CHIT1: variants seen among roughly 807,000 people sequenced by gnomAD.
CHIT1 encodes the protein chitotriosidase-1.
Under a neutral mutation model 52.0 loss-of-function variants are expected in CHIT1, and 47 were observed. That is an observed-to-expected ratio of 0.90 (90% CI 0.71 to 1.15). CHIT1 has a LOEUF of 1.15. CHIT1 is among the 50% of genes most tolerant of loss of function. The pLI is 0.00. For synonymous variants in CHIT1, 242 were observed against 228.2 expected (o/e 1.06, Z -0.54); for missense variants, 569 against 583.0 (o/e 0.98, Z 0.25).
In CHIT1 at chr1:203,217,787, A is replaced by G; in HGVS notation, c.1108T>C (p.Cys370Arg). 6.2e-7 allele frequency: 1 copy of G among 1,614,034 alleles called. No homozygotes were observed. The highest frequency in any genetic ancestry group is 1.1e-5 in the South Asian group (1 of 91,078). Residue 370 changes from cysteine to arginine, a missense_variant, in exon 10 of 11, where the codon TGC becomes CGC. By Grantham distance (180) the Cys-to-Arg change is radical. Transcript: ENST00000367229. ...LDLDDFAGFSCNQGRYPLIQT... is the reference protein window; with the variant it reads ...LDLDDFAGFSRNQGRYPLIQT... ...ATGAGGGGGTATCGGCCCTGGTTGC[A>G]GGAGAAGCCGGCAAAGTCATCTAAG...
At chr1:203,228,502 G>A (rs770311301) in intron 2 of CHIT1, 31 bp downstream of exon 2, 1 of 1,576,634 alleles carries the variant, frequency 6.3e-7, no homozygotes, top group South Asian at 1.2e-5. Context: ...CCAGGGAAGG[G>A]GCTGAGGCAG....
Position 203,225,751 on chromosome 1 carries a change from C to T in CHIT1, c.175G>A (p.Ala59Thr), listed in dbSNP as rs113204979. The change falls in exon 3 of 11, where the codon GCT (alanine) becomes ACT (threonine). Residue 59 changes from alanine (A) to threonine (T), a missense_variant. Physicochemically the swap from Ala to Thr is moderately conservative, Grantham distance 58. Coordinates refer to ENST00000367229, the MANE Select transcript of CHIT1 (RefSeq NM_003465.3). ...CTCAGCTGGTGGTTGGTCATGCCAG[C>T]GAAGGCGTAGATGAGGTGGGTGCAA... ...SLCTHLIYAF[A>T]GMTNHQLSTT... is the part of the protein sequence containing the mutation. The T allele has an allele frequency of 4.2e-5, 68 of 1,614,138 alleles. No homozygotes were observed. Among genetic ancestry groups the T allele is most frequent in the African/African-American group, 2.4e-4 (18 of 75,036 alleles).
intron 1 of CHIT1, 95 bp from the exon 2 acceptor site, chr1:203,228,657 G>T (rs992147981): frequency 3.7e-5 from 51 of 1,379,516 alleles, no homozygotes; most frequent in Non-Finnish European, 4.9e-5. Context: ...GGTCAGGGAG[G>T]GCTGATTTCA....
In CHIT1 at chr1:203,223,186, G is replaced by A. The variant is rs773755505; in HGVS notation, c.554C>T (p.Pro185Leu). The change falls in exon 6 of 11, where the codon CCA (proline) becomes CTA (leucine). Residue 185 changes from proline (P) to leucine (L), a missense_variant. Transcript: ENST00000367229. ...AGCATCCACATAGGTCTGCCCAGCT[G>A]GAACCGCTGCACTCAGAAGAAGGCG... ...KERLLLSAAV[P>L]AGQTYVDAGY... The A allele has an allele frequency of 4.3e-6, 7 of 1,614,196 alleles. No individual in the cohort carries two copies. Among genetic ancestry groups the A allele is most frequent in the South Asian group, 1.1e-5 (1 of 91,086 alleles).
chr1:203,225,110 A>G lies in CHIT1; in HGVS notation c.258-6T>C, dbSNP rs184235051. On this transcript the variant is annotated splice_region_variant and splice_polypyrimidine_tract_variant and intron_variant, in intron 3 of 10. Coordinates refer to ENST00000367229, the MANE Select transcript of CHIT1 (RefSeq NM_003465.3). ...GGGTCTTCAGCTTGGGATTCCTGGG[A>G]AAGACAGGAGACACAGCAGGATTTA... The G allele has an allele frequency of 3.8e-4, 618 of 1,613,716 alleles. 2 individuals are homozygous for G. In the African/African-American group the frequency reaches 7.3e-3, roughly 19 times the overall value.
Position 203,223,535 on chromosome 1 carries a change from C to A in CHIT1, c.440G>T (p.Ser147Ile), listed in dbSNP as rs751808745. The change falls in exon 5 of 11, where the codon AGC (serine) becomes ATC (isoleucine). Residue 147 changes from serine (S) to isoleucine (I), a missense_variant. Physicochemically the swap from Ser to Ile is moderately radical, Grantham distance 142. Coordinates refer to ENST00000367229, the MANE Select transcript of CHIT1 (RefSeq NM_003465.3). ...GAAGCGCTCCTTGTCTACGGCAGGG[C>A]TCCCCTGGCTTCCTGGGTACTCCCA... ...LDWEYPGSQG[S>I]PAVDKERFTT... 11 of 1,614,198 alleles carry A rather than the reference C, an allele frequency of 6.8e-6. No individual in the cohort carries two copies. Among genetic ancestry groups the A allele is most frequent in the Non-Finnish European group, 9.3e-6 (11 of 1,180,040 alleles).
Position 203,216,198 on chromosome 1 carries a change from G to A in CHIT1, c.*691C>T. 1 of 454,096 alleles carries A rather than the reference G, an allele frequency of 2.2e-6. No individual in the cohort carries two copies. The allele number at this position is 454,096 out of a possible 1,614,324, so 28.1% of individuals were successfully genotyped here. The stretch of plus-strand genomic sequence containing the variant: ...AGTCTTCAGTTTAAATGCCTATAAA[G>A]TGAGAATAATCATTGTTCCTTCTTC... On this transcript the variant is annotated 3_prime_UTR_variant, in exon 11 of 11. Coordinates refer to ENST00000367229, the MANE Select transcript of CHIT1 (RefSeq NM_003465.3).
chr1:203,220,939 G>A (rs1361629015), intron 7 of CHIT1, among the ~76,000 whole-genome samples: 1 of 152,180 alleles, frequency 6.6e-6, no homozygotes. Context: ...TACACAATGT[G>A]GAAAGCAGGG....
Position 203,219,311 on chromosome 1 carries a change from C to T in CHIT1, c.934G>A (p.Ala312Thr), listed in dbSNP as rs1443524593. ...AYYEVCSWKG[A>T]TKQRIQDQKV... ...TGATCCTGGATTCTCTGTTTGGTGG[C>T]CCCCTTCCAGGAGCAGACCTGTGGG... The change falls in exon 9 of 11, where the codon GCC becomes ACC. Residue 312 changes from alanine to threonine, a missense_variant. By Grantham distance (58) the Ala-to-Thr change is moderately conservative. Coordinates refer to ENST00000367229, the MANE Select transcript of CHIT1 (RefSeq NM_003465.3). 3.7e-6 allele frequency: 6 copies of T among 1,610,036 alleles called. No homozygotes were observed. The South Asian group carries it at 4.4e-5, about 12-fold the overall frequency.
chr1:203,221,738 C>T (rs1558160437), intron 7 of CHIT1, among the ~76,000 whole-genome samples: 1 of 152,200 alleles, frequency 6.6e-6, no homozygotes, highest in Non-Finnish European at 1.5e-5. Context: ...TTTGCAGGTG[C>T]TGGGAGTACT....
At chr1:203,229,766 G>GGGGGGGC, upstream of CHIT1, 3 of 1,014,068 alleles carry the variant, frequency 3.0e-6, no homozygotes, top group Non-Finnish European at 1.5e-6. Flanking sequence ...GGGGGGATGG[G>GGGGGGGC]AGCAGGGTGG....
intron 2 of CHIT1, 103 bp from the exon 3 acceptor site, chr1:203,225,973 T>A: frequency 8.1e-7 from 1 of 1,239,946 alleles, no homozygotes; most frequent in Non-Finnish European, 1.2e-6. Context: ...CTCCCTCTTC[T>A]ACACCTGGAG....
intron 2 of CHIT1, 129 bp downstream of exon 2, chr1:203,228,404 G>A: frequency 2.0e-6 from 2 of 1,008,026 alleles, no homozygotes; most frequent in Non-Finnish European, 3.0e-6. Context: ...ATTTGCAGGG[G>A]TCTGAGCTTT....
chr1:203,220,852 C>T (rs1278294195), intron 7 of CHIT1, among the ~76,000 whole-genome samples: 1 of 152,178 alleles, frequency 6.6e-6, no homozygotes, highest in Non-Finnish European at 1.5e-5. Flanking sequence ...TAGAACCTGT[C>T]CCCGGGCACA....
intron 4 of CHIT1, 48 bp from the exon 5 acceptor site, chr1:203,223,708 A>T: frequency 1.3e-6 from 2 of 1,592,628 alleles, no homozygotes; most frequent in Non-Finnish European, 1.7e-6. Context: ...ACCAGACAGG[A>T]GGCCACTCTT....
Position 203,219,811 on chromosome 1 carries a change from AG to A in CHIT1, c.767del (p.Pro256LeufsTer5), listed in dbSNP as rs1225328389. On this transcript the variant is annotated frameshift_variant, in exon 8 of 11. Coordinates refer to ENST00000367229, the MANE Select transcript of CHIT1 (RefSeq NM_003465.3). LOFTEE classifies it high-confidence loss of function. ...GCATGCCAAGGATCAGCTTGCTGGC[AG>A]GGGTCCCCTTCTGCAGCCACTGTTG... ...AVQQWLQKGT[P>X]ASKLILGMPT... 6.2e-7 allele frequency: 1 copy of A among 1,612,412 alleles called. No individual in the cohort carries two copies. The highest frequency in any genetic ancestry group is 1.3e-5 in the African/African-American group (1 of 74,870).
intron 10 of CHIT1, 25 bp from the exon 11 acceptor site, chr1:203,217,158 C>T (rs1414049875): frequency 1.2e-6 from 2 of 1,600,182 alleles, no homozygotes; most frequent in African/African-American, 1.3e-5. Context: ...AAGATTCAAC[C>T]AAGGCTCCCC....
At chr1:203,222,595 G>A (rs1329359838) in intron 6 of CHIT1, among the ~76,000 whole-genome samples, 1 of 152,110 alleles carries the variant, frequency 6.6e-6, no homozygotes, top group Admixed American at 6.5e-5. Flanking sequence ...TTCCACTCAA[G>A]AAAACTCCTG....
In CHIT1 at chr1:203,217,929, G is replaced by A. The variant is rs1258091574; in HGVS notation, c.1030-64C>T. ...GCCTGACCCGGCCACCCCAGAGCCT[G>A]GCTACCTCTTCTGGACAGGGCCCTT... is the stretch of plus-strand genomic sequence containing the variant. On this transcript the variant is annotated intron_variant, in intron 9 of 10. Transcript: ENST00000367229. 4.5e-6 allele frequency: 7 copies of A among 1,564,182 alleles called. No homozygotes were observed. The African/African-American group carries it at 9.5e-5, about 21-fold the overall frequency.
Sources: gnomAD v4.1 joint callset for allele counts (sites outside exome capture counted in the v4.1 genomes callset) on GRCh38, gnomAD v4.1.1 for gene constraint, MANE v1.5 for transcripts, NCBI Gene and HGNC (gene_info 2026-07-23, HGNC 2026-07-21) for gene names.